SLC39A11: variants seen among roughly 807,000 people sequenced by gnomAD.
SLC39A11 encodes the protein zinc transporter ZIP11.
Under a neutral mutation model 36.1 loss-of-function variants are expected in SLC39A11, and 33 were observed. The ratio of observed to expected loss-of-function variants is 0.91; its 90% CI spans 0.69 to 1.22. SLC39A11 has a LOEUF of 1.22. Ranked by LOEUF, SLC39A11 falls within the 50% of genes most tolerant of loss-of-function variation. The pLI is 0.00. For synonymous variants in SLC39A11, 166 were observed against 170.3 expected, an observed-to-expected ratio of 0.97 and a Z score of 0.20; for missense variants, 432 against 430.3, an observed-to-expected ratio of 1.00 and a Z score of -0.03.
chr17:72,837,676 G>A (rs147876665), intron 6 of SLC39A11: 9 of 173,968 alleles, frequency 5.2e-5, no homozygotes, highest in Middle Eastern at 2.4e-3. Context: ...AACAAAACAC[G>A]GTGTATCCAT....
intron 5 of SLC39A11, among the ~76,000 whole-genome samples, chr17:72,944,722 G>A (rs1056028960): frequency 6.6e-6 from 1 of 152,208 alleles, no homozygotes; most frequent in African/African-American, 2.4e-5. Context: ...CTTTGCAATA[G>A]CAAAGCATCA....
intron 6 of SLC39A11, among the ~76,000 whole-genome samples, chr17:72,748,771 C>T (rs527385678): frequency 5.3e-5 from 8 of 152,204 alleles, no homozygotes; most frequent in South Asian, 2.1e-4. Flanking sequence ...TTGAAGATTC[C>T]GAGCTGTTCC....
intron 6 of SLC39A11, among the ~76,000 whole-genome samples, chr17:72,778,573 GT>G (rs2076209226): frequency 6.6e-6 from 1 of 152,194 alleles, no homozygotes; most frequent in African/African-American, 2.4e-5. Context: ...ATTAATTACT[GT>G]GTGACAACAC....
chr17:72,804,804 G>A (rs1003803393), intron 6 of SLC39A11, among the ~76,000 whole-genome samples: 4 of 152,142 alleles, frequency 2.6e-5, no homozygotes, highest in African/African-American at 9.7e-5. Context: ...AGCGGATCAC[G>A]AGGTCAGGGG....
At chr17:73,053,788 T>C (rs921614996) in intron 3 of SLC39A11, among the ~76,000 whole-genome samples, 1 of 152,210 alleles carries the variant, frequency 6.6e-6, no homozygotes, top group Non-Finnish European at 1.5e-5. Flanking sequence ...ACGCAGCTGA[T>C]GGTTTGAGAC....
intron 5 of SLC39A11, among the ~76,000 whole-genome samples, chr17:72,852,197 T>A: frequency 8.9e-5 from 2 of 22,588 alleles, no homozygotes; most frequent in African/African-American, 1.9e-4. Flanking sequence ...AGAGCAAGAC[T>A]CCGTCTCAAA....
intron 5 of SLC39A11, among the ~76,000 whole-genome samples, chr17:72,924,038 T>C (rs1292586754): frequency 1.3e-5 from 2 of 148,836 alleles, no homozygotes; most frequent in Non-Finnish European, 3.0e-5. Context: ...TCCCAGGTAC[T>C]AGGGAAGCTG....
At chr17:72,985,941 C>T (rs549690972) in intron 4 of SLC39A11, among the ~76,000 whole-genome samples, 1 of 152,066 alleles carries the variant, frequency 6.6e-6, no homozygotes, top group African/African-American at 2.4e-5. Flanking sequence ...GACACAGAGA[C>T]AGGCACACAA....
In SLC39A11 at chr17:72,658,276, G is replaced by A. The variant is rs949545472; in HGVS notation, c.672-9008C>T. On this transcript the variant is annotated intron_variant, in intron 7 of 9. Coordinates refer to ENST00000255559, the MANE Select transcript of SLC39A11 (RefSeq NM_139177.4). ...GTGGGCTGGATGCAGGGGCAGAGGCGGACAGTCTGAGGTACTTTTCCAGAG... is the reference window on the plus strand; with the variant it reads ...GTGGGCTGGATGCAGGGGCAGAGGCAGACAGTCTGAGGTACTTTTCCAGAG... Among the ~76,000 whole-genome samples the A allele has an allele frequency of 4.6e-5, 7 of 152,152 alleles. No homozygotes were observed. The South Asian group carries it at 8.3e-4, about 18-fold the overall frequency.
chr17:73,057,835 G>T (rs574610060), intron 3 of SLC39A11, among the ~76,000 whole-genome samples: 2 of 152,302 alleles, frequency 1.3e-5, no homozygotes, highest in African/African-American at 4.8e-5. Context: ...TACTTGGGAG[G>T]CTGACGCACA....
chr17:72,658,728 C>T (rs1044834667), intron 7 of SLC39A11, among the ~76,000 whole-genome samples: 2 of 152,172 alleles, frequency 1.3e-5, no homozygotes, highest in African/African-American at 4.8e-5. Context: ...CCCAGGTGCA[C>T]AGGTGGGACC....
At chr17:72,885,284 T>A (rs1216231512) in intron 5 of SLC39A11, among the ~76,000 whole-genome samples, 1 of 151,966 alleles carries the variant, frequency 6.6e-6, no homozygotes, top group Non-Finnish European at 1.5e-5. Flanking sequence ...CATACTCAAC[T>A]CCAGTTTCAT....
chr17:72,971,693 T>C lies in SLC39A11; in HGVS notation c.307-23818A>G, dbSNP rs188834579. Among the ~76,000 whole-genome samples, 157 of 152,202 alleles carry C rather than the reference T, an allele frequency of 1.0e-3. 1 individual carries two copies. Among genetic ancestry groups the C allele is most frequent in the Admixed American group, 2.1e-3 (32 of 15,292 alleles). Reference sequence around the variant, plus strand: ...GGGCCGGGCCGCCCCCCAGGAGGACTACCAAACTGTATCCCTTGTTACTAG... The same window carrying C: ...GGGCCGGGCCGCCCCCCAGGAGGACCACCAAACTGTATCCCTTGTTACTAG... On this transcript the variant is annotated intron_variant, in intron 4 of 9. Coordinates refer to ENST00000255559, the MANE Select transcript of SLC39A11 (RefSeq NM_139177.4).
Position 72,646,413 on chromosome 17 carries a change from G to A in SLC39A11, c.*1171C>T, listed in dbSNP as rs1483570271. On this transcript the variant is annotated 3_prime_UTR_variant, in exon 10 of 10. Transcript: ENST00000255559. The stretch of plus-strand genomic sequence containing the variant: ...TACCCCTGTTGGAGAAGCTATGTAA[G>A]AAGGAGTAGGCTGGCTTCTGGTCTA... 6.6e-6 allele frequency: 1 copy of A among 152,264 alleles called. No individual in the cohort carries two copies. The highest frequency in any genetic ancestry group is 1.5e-5 in the Non-Finnish European group (1 of 68,046). The allele number at this position is 152,264 out of a possible 1,614,324, so 9.4% of individuals were successfully genotyped here. A position where few individuals can be genotyped will look rare whatever the true frequency, so the allele number is the denominator to read the frequency against.
intron 4 of SLC39A11, among the ~76,000 whole-genome samples, chr17:72,984,086 G>A (rs865893597): frequency 1.6e-4 from 25 of 152,260 alleles, no homozygotes; most frequent in Middle Eastern, 6.8e-3. Context: ...GGCTGGAATC[G>A]TGGAGTGATT....
chr17:72,713,521 T>C (rs923815611), intron 7 of SLC39A11, among the ~76,000 whole-genome samples: 2 of 152,176 alleles, frequency 1.3e-5, no homozygotes, highest in African/African-American at 4.8e-5. Context: ...CCCGAAGGGT[T>C]CTCATACATT....
At chr17:72,946,469 G>C (rs537074669) in intron 5 of SLC39A11, among the ~76,000 whole-genome samples, 1 of 152,284 alleles carries the variant, frequency 6.6e-6, no homozygotes, top group East Asian at 1.9e-4. Context: ...CTCCCTAAGG[G>C]GTAGAGATCA....
rs191501246 is a variant in SLC39A11, at chr17:73,043,738, C to T, written c.148-12024G>A. Reference sequence around the variant, plus strand: ...GAGAAACTTGGAAGAAGGAAGGAATCTGCAGGTAACCCTCCAGAATGAGGC... The same window carrying T: ...GAGAAACTTGGAAGAAGGAAGGAATTTGCAGGTAACCCTCCAGAATGAGGC... On this transcript the variant is annotated intron_variant, in intron 3 of 9. Coordinates refer to ENST00000255559, the MANE Select transcript of SLC39A11 (RefSeq NM_139177.4). Among the ~76,000 whole-genome samples, 431 of 152,298 alleles carry T rather than the reference C, an allele frequency of 2.8e-3. 2 individuals carry two copies. Among genetic ancestry groups the T allele is most frequent in the African/African-American group, 0.01 (418 of 41,574 alleles).
chr17:73,085,178 G>C (rs929685350), intron 2 of SLC39A11, among the ~76,000 whole-genome samples: 1 of 152,118 alleles, frequency 6.6e-6, no homozygotes, highest in East Asian at 1.9e-4. Context: ...ATTACTGAGC[G>C]TTGGTGAGGA....
Sources: gnomAD v4.1 joint callset for allele counts (sites outside exome capture counted in the v4.1 genomes callset) on GRCh38, gnomAD v4.1.1 for gene constraint, MANE v1.5 for transcripts, NCBI Gene and HGNC (gene_info 2026-07-23, HGNC 2026-07-21) for gene names.